PTDSS1: variants seen among roughly 807,000 people sequenced by gnomAD.
PTDSS1 encodes the protein phosphatidylserine synthase 1.
A neutral mutation model predicts 70.5 loss-of-function variants in PTDSS1; 45 were observed. That is an observed-to-expected ratio of 0.64 (90% CI 0.50 to 0.82). The LOEUF (loss-of-function observed/expected upper bound fraction) is 0.82, where lower values mean the gene tolerates loss of function less well. Among genes scored for constraint, PTDSS1 ranks in the 40% least tolerant of loss-of-function variants. PTDSS1 has a pLI of 0.00. For synonymous variants in PTDSS1, 188 were observed against 203.8 expected, an observed-to-expected ratio of 0.92 and a Z score of 0.66; for missense variants, 417 against 586.1, an observed-to-expected ratio of 0.71 and a Z score of 2.98.
chr8:96,302,323 T>G (rs1288688185), intron 6 of PTDSS1, among the ~76,000 whole-genome samples: 1 of 152,140 alleles, frequency 6.6e-6, no homozygotes, highest in African/African-American at 2.4e-5. Flanking sequence ...TGAGCCACCA[T>G]GCCCAGCCAC....
At chr8:96,286,191 G>C (rs1007231369) in intron 3 of PTDSS1, among the ~76,000 whole-genome samples, 1 of 152,130 alleles carries the variant, frequency 6.6e-6, no homozygotes, top group Non-Finnish European at 1.5e-5. Context: ...TTTGTATCAC[G>C]GTCTCTAAAT....
At chr8:96,296,300 A>T (rs1368355065) in intron 5 of PTDSS1, among the ~76,000 whole-genome samples, 1 of 151,864 alleles carries the variant, frequency 6.6e-6, no homozygotes, top group East Asian at 1.9e-4. Context: ...CACCACGCCC[A>T]GCTAATTTTT....
intron 7 of PTDSS1, among the ~76,000 whole-genome samples, chr8:96,305,971 G>A (rs907863425): frequency 2.0e-5 from 3 of 152,270 alleles, no homozygotes; most frequent in African/African-American, 4.8e-5. Context: ...ATGAGCCACC[G>A]TGCATGGCCT....
chr8:96,262,217 C>A lies in PTDSS1; in HGVS notation c.177C>A (p.Thr59=), dbSNP rs1469239620. Reference sequence around the variant, plus strand: ...TCAGCCTCATGTACTTCGCCTTTACCAGGTGGGGCGGCCCAGCCGAGCGGG... The same window carrying A: ...TCAGCCTCATGTACTTCGCCTTTACAAGGTGGGGCGGCCCAGCCGAGCGGG... The part of the protein sequence containing the change: ...TIVSLMYFAF[T]RDDSVPEDNI... The change falls in exon 1 of 13, where the codon ACC becomes ACA. Residue 59 remains threonine (T), a splice_region_variant and synonymous_variant. Coordinates refer to ENST00000517309, the MANE Select transcript of PTDSS1 (RefSeq NM_014754.3). This position sits in a 1 kb window ranked among gnomAD's most constrained non-coding sequence, Gnocchi z 4.4. 1 of 1,608,072 alleles carries A rather than the reference C, an allele frequency of 6.2e-7. No homozygotes were observed. The highest frequency in any genetic ancestry group is 1.7e-5 in the Admixed American group (1 of 59,780).
chr8:96,286,190 C>T (rs779238465), intron 3 of PTDSS1, among the ~76,000 whole-genome samples: 21 of 152,282 alleles, frequency 1.4e-4, no homozygotes, highest in Admixed American at 1.3e-4. Context: ...ATTTGTATCA[C>T]GGTCTCTAAA....
intron 11 of PTDSS1, 34 bp from the exon 12 acceptor site, chr8:96,330,992 A>T (rs940973860): frequency 6.3e-7 from 1 of 1,578,824 alleles, no homozygotes; most frequent in African/African-American, 1.4e-5. Flanking sequence ...GGGAGTTCCT[A>T]AAATTCCTGC....
chr8:96,318,961 A>AGT (rs1252314283), intron 9 of PTDSS1, among the ~76,000 whole-genome samples: 1 of 116,448 alleles, frequency 8.6e-6, no homozygotes, highest in Non-Finnish European at 1.6e-5. Flanking sequence ...CCCAGGCTGG[A>AGT]GTGCAGTGGT....
At chr8:96,316,308 TGG>T (rs1811288027) in intron 9 of PTDSS1, among the ~76,000 whole-genome samples, 2 of 152,100 alleles carry the variant, frequency 1.3e-5, no homozygotes, top group African/African-American at 4.8e-5. Flanking sequence ...AGCAAAGACA[TGG>T]AATCCACCTA....
In PTDSS1 at chr8:96,284,154, G is replaced by C; in HGVS notation, c.316+1G>C. 6.2e-7 allele frequency: 1 copy of C among 1,604,302 alleles called. No homozygotes were observed. Among genetic ancestry groups the C allele is most frequent in the Non-Finnish European group, 8.5e-7 (1 of 1,171,914 alleles). On this transcript the variant is annotated splice_donor_variant, in intron 3 of 12. Transcript: ENST00000517309. LOFTEE classifies it high-confidence loss of function. ...CCAGCCTTATGGCGAATGGTTTTTGGTGAGTTTATATTAGCAATGTAAAAG... is the reference window on the plus strand; with the variant it reads ...CCAGCCTTATGGCGAATGGTTTTTGCTGAGTTTATATTAGCAATGTAAAAG...
intron 4 of PTDSS1, among the ~76,000 whole-genome samples, chr8:96,288,946 TC>T (rs1466813876): frequency 6.6e-6 from 1 of 151,260 alleles, no homozygotes; most frequent in Non-Finnish European, 1.5e-5. Context: ...AATTTTTTTT[TC>T]TTTCCAAGAC....
intron 3 of PTDSS1, among the ~76,000 whole-genome samples, chr8:96,284,516 C>T (rs1478300643): frequency 6.6e-6 from 1 of 152,130 alleles, no homozygotes; most frequent in Admixed American, 6.5e-5. Context: ...GTCTTGTGAG[C>T]ATCTGGAAGG....
chr8:96,273,333 G>A lies in PTDSS1; in HGVS notation c.214G>A (p.Gly72Ser), dbSNP rs149279242. ...TGTTCCAGAAGACAACATCTGGAGA[G>A]GCATCCTCTCTGTTATTTTCTTCTT... ...DSVPEDNIWRGILSVIFFFLI... is the reference protein window; with the variant it reads ...DSVPEDNIWRSILSVIFFFLI... The change falls in exon 2 of 13, where the codon GGC becomes AGC. Residue 72 changes from glycine (G) to serine (S), a missense_variant. By Grantham distance (56) the Gly-to-Ser change is moderately conservative. This residue lies in a region of PTDSS1 where 272 missense variants were observed against 429.5 expected (regional missense o/e 0.63). Transcript: ENST00000517309. 1.3e-3 allele frequency: 2,041 copies of A among 1,612,336 alleles called. 3 individuals carry two copies. Among genetic ancestry groups the A allele is most frequent in the Non-Finnish European group, 1.6e-3 (1,851 of 1,179,398 alleles).
intron 5 of PTDSS1, among the ~76,000 whole-genome samples, chr8:96,295,686 A>G (rs751194227): frequency 6.6e-6 from 1 of 152,226 alleles, no homozygotes; most frequent in Non-Finnish European, 1.5e-5. Context: ...TGGATTCCAA[A>G]TGTTAGCTCT....
At position 96,299,835 on chromosome 8, in the gene PTDSS1, G is replaced by A; in HGVS notation, c.742G>A (p.Ala248Thr). Residue 248 changes from alanine (A) to threonine (T), a missense_variant, in exon 6 of 13, where the codon GCA (alanine) becomes ACA (threonine). Physicochemically the swap from Ala to Thr is moderately conservative, Grantham distance 58. Around this residue, in one of 3 missense-constraint regions of PTDSS1, gnomAD observed 272 missense variants for 429.5 expected, o/e 0.63. Transcript: ENST00000517309. ...TTTAGAGATGAGGACTTACCACTGG[G>A]CAAGCTTCAAGTGAGTTGCCTTCTT... is the stretch of plus-strand genomic sequence containing the variant. ...RFLEMRTYHW[A>T]SFKDIHTTTG... 1 of 1,610,636 alleles carries A rather than the reference G, an allele frequency of 6.2e-7. No homozygotes were observed. The highest frequency in any genetic ancestry group is 8.5e-7 in the Non-Finnish European group (1 of 1,179,146).
chr8:96,318,657 T>C (rs1410247150), intron 9 of PTDSS1, among the ~76,000 whole-genome samples: 1 of 152,192 alleles, frequency 6.6e-6, no homozygotes, highest in African/African-American at 2.4e-5. Flanking sequence ...AGCAGTGCTT[T>C]AAAGATTCAA....
intron 3 of PTDSS1, among the ~76,000 whole-genome samples, 185 bp from the exon 4 acceptor site, chr8:96,286,836 AT>A (rs1272191745): frequency 6.6e-6 from 1 of 152,208 alleles, no homozygotes; most frequent in Non-Finnish European, 1.5e-5. Context: ...ACCACTCTCA[AT>A]CTGAATTAGG....
chr8:96,333,227 C>T (rs1811542894), intron 12 of PTDSS1, among the ~76,000 whole-genome samples: 1 of 152,206 alleles, frequency 6.6e-6, no homozygotes, highest in Non-Finnish European at 1.5e-5. Flanking sequence ...GCTTCAGGAA[C>T]CACCCAGACT....
chr8:96,334,908 C>T lies in PTDSS1; in HGVS notation c.*1342C>T, dbSNP rs1404950417. The T allele has an allele frequency of 1.3e-5, 2 of 152,084 alleles. No individual in the cohort carries two copies. Among genetic ancestry groups the T allele is most frequent in the East Asian group, 1.9e-4 (1 of 5,198 alleles). 9.4% of individuals were successfully genotyped at this position (152,084 alleles called of 1,614,324 possible). On this transcript the variant is annotated 3_prime_UTR_variant, in exon 13 of 13. Transcript: ENST00000517309. ...CCTCATTTCACACAGCACAAAGGTT[C>T]GTTCTGATGTTTCTTCTTCTTTAAG... is the stretch of plus-strand genomic sequence containing the variant.
intron 2 of PTDSS1, among the ~76,000 whole-genome samples, chr8:96,276,978 GCGCACA>G (rs951996077): frequency 4.3e-4 from 56 of 129,740 alleles, no homozygotes; most frequent in African/African-American, 8.0e-4. Context: ...GCGCACGCGC[GCGCACA>G]CACACACACA....
Sources: gnomAD v4.1 joint callset for allele counts (sites outside exome capture counted in the v4.1 genomes callset) on GRCh38, gnomAD v4.1.1 for gene constraint, gnomAD v4.1.1 regional missense constraint, Gnocchi (gnomAD v3.1) non-coding constraint, MANE v1.5 for transcripts, NCBI Gene and HGNC (gene_info 2026-07-23, HGNC 2026-07-21) for gene names.